LRRC42: variants seen among roughly 807,000 people sequenced by gnomAD.
The protein encoded by LRRC42 is leucine-rich repeat-containing protein 42.
Under a neutral mutation model 44.3 loss-of-function variants are expected in LRRC42, and 43 were observed. The observed-to-expected ratio is 0.97, with a 90% CI of 0.76 to 1.25. The LOEUF (loss-of-function observed/expected upper bound fraction) is 1.25. Among genes scored for constraint, LRRC42 ranks in the 50% most tolerant of loss-of-function variants. The probability of loss-of-function intolerance (pLI) is 0.00; values close to 1 mark genes in which losing one functional copy is unlikely to be tolerated. For synonymous variants in LRRC42, 207 were observed against 195.2 expected, an observed-to-expected ratio of 1.06 and a Z score of -0.50; for missense variants, 540 against 509.1, an observed-to-expected ratio of 1.06 and a Z score of -0.58.
chr1:53,947,844 A>T (rs1654562495), intron 2 of LRRC42, 23 bp downstream of exon 2: 1 of 151,526 alleles, frequency 6.6e-6, no homozygotes, highest in African/African-American at 2.4e-5. Context: ...AATTTTTCAC[A>T]TTTTTTTTAT....
At chr1:53,948,471 T>C (rs1654587078) in intron 2 of LRRC42, among the ~76,000 whole-genome samples, 1 of 152,230 alleles carries the variant, frequency 6.6e-6, no homozygotes, top group Non-Finnish European at 1.5e-5. Flanking sequence ...CACTTCGTGG[T>C]AACTTTGGCT....
At chr1:53,955,299 C>CT (rs1028744522) in intron 3 of LRRC42, among the ~76,000 whole-genome samples, 9 of 151,200 alleles carry the variant, frequency 6.0e-5, no homozygotes, top group South Asian at 2.1e-4. Context: ...ATATAGGAAA[C>CT]TTTTTTTTTC....
At chr1:53,955,416 C>T (rs1253270624) in intron 3 of LRRC42, among the ~76,000 whole-genome samples, 1 of 151,976 alleles carries the variant, frequency 6.6e-6, no homozygotes, top group Non-Finnish European at 1.5e-5. Flanking sequence ...CCCACCTCAG[C>T]CTCCCGAGTA....
intron 4 of LRRC42, among the ~76,000 whole-genome samples, chr1:53,958,833 G>A (rs1163407822): frequency 6.6e-6 from 1 of 151,674 alleles, no homozygotes; most frequent in Non-Finnish European, 1.5e-5. Flanking sequence ...TGATCCTCCC[G>A]CCTCAGCCTC....
At chr1:53,951,035 T>G (rs948259248) in intron 2 of LRRC42, among the ~76,000 whole-genome samples, 1 of 152,240 alleles carries the variant, frequency 6.6e-6, no homozygotes, top group African/African-American at 2.4e-5. Context: ...TTATAGAGTC[T>G]GCATGAATTC....
At position 53,958,865 on chromosome 1, in the gene LRRC42, C is replaced by T. The variant is rs1422032034; in HGVS notation, c.605+585C>T. 3.3e-5 allele frequency among the ~76,000 whole-genome samples: 5 copies of T among 151,750 alleles called. No individual in the cohort carries two copies. The South Asian group carries it at 6.2e-4, about 19-fold the overall frequency. On this transcript the variant is annotated intron_variant, in intron 4 of 8. Transcript: ENST00000371370. ...CCTCCCAAAGTGCTGGGATTACAGG[C>T]GTCAGCCACTGCGCCTGGCCCTATT...
At chr1:53,951,936 T>C in intron 2 of LRRC42, 50 bp from the exon 3 acceptor site, 3 of 1,398,348 alleles carry the variant, frequency 2.1e-6, no homozygotes, top group Non-Finnish European at 2.9e-6. Context: ...AGTTACATGT[T>C]ACAAATGGCA....
chr1:53,949,303 A>G (rs1180209695), intron 2 of LRRC42, among the ~76,000 whole-genome samples: 2 of 152,098 alleles, frequency 1.3e-5, no homozygotes, highest in Non-Finnish European at 1.5e-5. Context: ...CCATTTTACA[A>G]CAGTGTTTGT....
intron 5 of LRRC42, 154 bp from the exon 6 acceptor site, chr1:53,961,880 A>G (rs1482109316): frequency 1.6e-6 from 1 of 612,248 alleles, no homozygotes; most frequent in Non-Finnish European, 2.9e-6. Flanking sequence ...AATAGTAAAG[A>G]TCAGACCTCT....
At position 53,961,136 on chromosome 1, in the gene LRRC42, G is replaced by A. The variant is rs116526487; in HGVS notation, c.724+662G>A. Among the ~76,000 whole-genome samples, 933 of 152,274 alleles carry A rather than the reference G, an allele frequency of 6.1e-3. 5 individuals carry two copies. Among genetic ancestry groups the A allele is most frequent in the Non-Finnish European group, 8.8e-3 (596 of 68,014 alleles). On this transcript the variant is annotated intron_variant, in intron 5 of 8. Coordinates refer to ENST00000371370, the MANE Select transcript of LRRC42 (RefSeq NM_001256409.2). ...ATAATAATGAATGTCCTGGCTGGGCGCGGTGGCTCACGCCTGTAATCCCAG... is the reference window on the plus strand; with the variant it reads ...ATAATAATGAATGTCCTGGCTGGGCACGGTGGCTCACGCCTGTAATCCCAG...
intron 3 of LRRC42, 146 bp from the exon 4 acceptor site, chr1:53,958,003 C>T: frequency 2.2e-6 from 2 of 901,990 alleles, no homozygotes; most frequent in Non-Finnish European, 3.0e-6. Context: ...TCAGCCTTTG[C>T]CCTGATAGTA....
intron 3 of LRRC42, 63 bp from the exon 4 acceptor site, chr1:53,958,086 C>A: frequency 6.3e-7 from 1 of 1,597,146 alleles, no homozygotes; most frequent in South Asian, 1.1e-5. Flanking sequence ...GATACAAATC[C>A]ACAAATGGTA....
At chr1:53,948,346 A>G (rs1654584412) in intron 2 of LRRC42, among the ~76,000 whole-genome samples, 1 of 152,190 alleles carries the variant, frequency 6.6e-6, no homozygotes, top group Non-Finnish European at 1.5e-5. Context: ...TTCAAGGTCT[A>G]AAAAACTGTC....
Position 53,952,474 on chromosome 1 carries a change from T to C in LRRC42, c.473+2T>C, listed in dbSNP as rs199934730. On this transcript the variant is annotated splice_donor_variant, in intron 3 of 8. Coordinates refer to ENST00000371370, the MANE Select transcript of LRRC42 (RefSeq NM_001256409.2). LOFTEE classifies it high-confidence loss of function. ...TTGCTCCCTGTGTTTGCGAAACAGG[T>C]GGGTGTTCTGATTAGATTATTCGGT... 4 of 1,586,668 alleles carry C rather than the reference T, an allele frequency of 2.5e-6. No individual in the cohort carries two copies. Among genetic ancestry groups the C allele is most frequent in the African/African-American group, 1.3e-5 (1 of 74,198 alleles).
Position 53,952,211 on chromosome 1 carries a change from A to G in LRRC42, c.212A>G (p.His71Arg). ...DDTARKEKTDHFIFTYTREGN... is the reference protein window; with the variant it reads ...DDTARKEKTDRFIFTYTREGN... Reference sequence around the variant, plus strand: ...ACTGCACGGAAAGAGAAGACTGATCATTTCATCTTCACATACACCCGAGAG... The same window carrying G: ...ACTGCACGGAAAGAGAAGACTGATCGTTTCATCTTCACATACACCCGAGAG... The change falls in exon 3 of 9, where the codon CAT becomes CGT. Residue 71 changes from histidine to arginine, a missense_variant. By Grantham distance (29) the His-to-Arg change is conservative. Coordinates refer to ENST00000371370, the MANE Select transcript of LRRC42 (RefSeq NM_001256409.2). The G allele has an allele frequency of 1.2e-6, 2 of 1,614,202 alleles. No homozygotes were observed. Among genetic ancestry groups the G allele is most frequent in the Non-Finnish European group, 1.7e-6 (2 of 1,180,042 alleles).
chr1:53,951,700 C>G (rs1354076579), intron 2 of LRRC42, among the ~76,000 whole-genome samples: 3 of 152,214 alleles, frequency 2.0e-5, no homozygotes, highest in South Asian at 2.1e-4. Flanking sequence ...GCTGAGATTA[C>G]AGGCGTGAGC....
At chr1:53,949,641 A>C (rs1465730285) in intron 2 of LRRC42, among the ~76,000 whole-genome samples, 1 of 152,208 alleles carries the variant, frequency 6.6e-6, no homozygotes, top group Non-Finnish European at 1.5e-5. Flanking sequence ...AGAATAAATG[A>C]GGTGTCTCCT....
intron 2 of LRRC42, among the ~76,000 whole-genome samples, chr1:53,950,644 C>T (rs1654650404): frequency 6.6e-6 from 1 of 152,222 alleles, no homozygotes; most frequent in Admixed American, 6.5e-5. Context: ...TTCTACCTCT[C>T]TTCTCCCTTT....
At chr1:53,953,707 A>G (rs1654755666) in intron 3 of LRRC42, among the ~76,000 whole-genome samples, 1 of 150,074 alleles carries the variant, frequency 6.7e-6, no homozygotes, top group South Asian at 2.1e-4. Context: ...TGTATGAACT[A>G]TTCTGTGATT....
Sources: allele counts gnomAD v4.1 joint callset (sites outside exome capture counted in the v4.1 genomes callset), GRCh38; gene constraint gnomAD v4.1.1; transcripts MANE v1.5; gene names NCBI Gene and HGNC (gene_info 2026-07-23, HGNC 2026-07-21).